Variants in CACNA1B observed in about 807,000 individuals in gnomAD.
The protein encoded by CACNA1B is voltage-dependent N-type calcium channel subunit alpha-1B.
A neutral mutation model predicts 247.2 loss-of-function variants in CACNA1B; 70 were observed. The observed-to-expected ratio is 0.28, with a 90% CI of 0.23 to 0.35. The LOEUF (loss-of-function observed/expected upper bound fraction) is 0.35, where lower values mean the gene tolerates loss of function less well. Ranked by LOEUF, CACNA1B falls within the 10% of genes least tolerant of loss-of-function variation. The pLI is 1.00. For synonymous variants in CACNA1B, 1,231 were observed against 1,294.4 expected, an observed-to-expected ratio of 0.95 and a Z score of 1.05; for missense variants, 2,367 against 3,197.4, an observed-to-expected ratio of 0.74 and a Z score of 6.26.
Position 138,073,645 on chromosome 9 carries a change from C to A in CACNA1B, c.4791+41C>A. On this transcript the variant is annotated intron_variant, in intron 33 of 46. Coordinates refer to ENST00000371372, the MANE Select transcript of CACNA1B (RefSeq NM_000718.4). The surrounding 1 kb of genome is among the most constrained non-coding windows in gnomAD (Gnocchi z 6.4). ...GGCCTCCATGCTTTCTGTCCCCTTC[C>A]TCCGTCTTGCTTCCCCTGCCCCCAC... The A allele has an allele frequency of 2.7e-6, 3 of 1,130,722 alleles. No homozygotes were observed. The highest frequency in any genetic ancestry group is 2.7e-6 in the Non-Finnish European group (2 of 740,288). The allele number at this position is 1,130,722 out of a possible 1,614,324, so 70.0% of individuals were successfully genotyped here.
chr9:137,891,783 T>G lies in CACNA1B; in HGVS notation c.530+8900T>G. 2.9e-6 allele frequency: 1 copy of G among 344,440 alleles called. No homozygotes were observed. Among genetic ancestry groups the G allele is most frequent in the South Asian group, 2.2e-5 (1 of 45,290 alleles). 21.3% of individuals were successfully genotyped at this position (344,440 alleles called of 1,614,324 possible). On this transcript the variant is annotated intron_variant, in intron 3 of 46. Transcript: ENST00000371372. This position sits in a 1 kb window ranked among gnomAD's most constrained non-coding sequence, Gnocchi z 4.3. ...GGGGCCTCCACCCTGCGTGCCTGTGTGCAGCCCCACACGTGCTGAAGCATC... is the reference window on the plus strand; with the variant it reads ...GGGGCCTCCACCCTGCGTGCCTGTGGGCAGCCCCACACGTGCTGAAGCATC...
At chr9:137,964,033 C>T (rs1264157907) in intron 10 of CACNA1B, among the ~76,000 whole-genome samples, 1 of 152,212 alleles carries the variant, frequency 6.6e-6, no homozygotes, top group African/African-American at 2.4e-5. Flanking sequence ...TCTCTTCTAG[C>T]TTGTAGGGTT....
chr9:138,049,736 CCT>C lies in CACNA1B; in HGVS notation c.3710+424_3710+425del, dbSNP rs200160004. ...CAAGTCTGCTCCTGACCCAGGGAGA[CCT>C]CTGGTGCTTTCGCCCAAGGCAGAAC... On this transcript the variant is annotated intron_variant, in intron 24 of 46. Transcript: ENST00000371372. 6.7e-4 allele frequency among the ~76,000 whole-genome samples: 102 copies of C among 152,320 alleles called. No homozygotes were observed. In the East Asian group the frequency reaches 0.016, roughly 24 times the overall value.
rs936189106 is a variant in CACNA1B at position 137,974,106 on chromosome 9, C to T, written c.1544-1801C>T. ...TGTGGCCAGGCGTGTTGGGCCTTTCCAAGCTGCTTGTGTATTCCCCTGGGC... is the reference window on the plus strand; with the variant it reads ...TGTGGCCAGGCGTGTTGGGCCTTTCTAAGCTGCTTGTGTATTCCCCTGGGC... On this transcript the variant is annotated intron_variant, in intron 11 of 46. Coordinates refer to ENST00000371372, the MANE Select transcript of CACNA1B (RefSeq NM_000718.4). This position sits in a 1 kb window ranked among gnomAD's most constrained non-coding sequence, Gnocchi z 4.5. 6.6e-6 allele frequency among the ~76,000 whole-genome samples: 1 copy of T among 152,182 alleles called. No homozygotes were observed. The highest frequency in any genetic ancestry group is 2.4e-5 in the African/African-American group (1 of 41,448).
intron 35 of CACNA1B, among the ~76,000 whole-genome samples, chr9:138,077,834 A>G (rs1035051566): frequency 2.0e-5 from 3 of 152,238 alleles, no homozygotes; most frequent in African/African-American, 4.8e-5. Flanking sequence ...CAGGAGTACA[A>G]CTGGGGCCTG....
intron 31 of CACNA1B, among the ~76,000 whole-genome samples, chr9:138,067,801 A>G (rs1438721555): frequency 6.6e-6 from 1 of 152,212 alleles, no homozygotes; most frequent in Non-Finnish European, 1.5e-5. Flanking sequence ...ATGTGCATAC[A>G]ACTCAGCAAC....
At position 137,955,646 on chromosome 9, in the gene CACNA1B, C is replaced by T; in HGVS notation, c.1071-52C>T. ...TCCTTTTTGTCTCTGGGGCTGCACA[C>T]CTGTGGGGCTTGCACTCACCTGATC... On this transcript the variant is annotated intron_variant, in intron 7 of 46. Transcript: ENST00000371372. This position sits in a 1 kb window ranked among gnomAD's most constrained non-coding sequence, Gnocchi z 6.9. 1 of 1,214,632 alleles carries T rather than the reference C, an allele frequency of 8.2e-7. No homozygotes were observed. The highest frequency in any genetic ancestry group is 2.0e-5 in the Admixed American group (1 of 50,142). The allele number at this position is 1,214,632 out of a possible 1,614,324, so 75.2% of individuals were successfully genotyped here.
intron 6 of CACNA1B, among the ~76,000 whole-genome samples, chr9:137,949,266 T>C (rs1957847667): frequency 2.3e-4 from 2 of 8,640 alleles, no homozygotes; most frequent in Non-Finnish European, 5.4e-4. Context: ...GGTGCGTGTG[T>C]GTGTCTGGTG....
Position 138,073,230 on chromosome 9 carries a change from G to A in CACNA1B, c.4675-258G>A, listed in dbSNP as rs1018986436. On this transcript the variant is annotated intron_variant, in intron 32 of 46. Coordinates refer to ENST00000371372, the MANE Select transcript of CACNA1B (RefSeq NM_000718.4). This position sits in a 1 kb window ranked among gnomAD's most constrained non-coding sequence, Gnocchi z 6.4. ...CTTTCTGTTGCTCACGGTTGGGGGTGGGGAGGGGCCTTAGAGCCAAGGAGG... is the reference window on the plus strand; with the variant it reads ...CTTTCTGTTGCTCACGGTTGGGGGTAGGGAGGGGCCTTAGAGCCAAGGAGG... 6.6e-6 allele frequency among the ~76,000 whole-genome samples: 1 copy of A among 152,234 alleles called. No individual in the cohort carries two copies. The highest frequency in any genetic ancestry group is 2.4e-5 in the African/African-American group (1 of 41,458).
At chr9:137,935,109 T>A (rs1361788981) in intron 6 of CACNA1B, among the ~76,000 whole-genome samples, 1 of 152,206 alleles carries the variant, frequency 6.6e-6, no homozygotes, top group Non-Finnish European at 1.5e-5. Flanking sequence ...AAATTTTCTT[T>A]TTTTTCATTA....
intron 20 of CACNA1B, among the ~76,000 whole-genome samples, chr9:138,038,587 G>A (rs1438891544): frequency 6.6e-6 from 1 of 152,262 alleles, no homozygotes; most frequent in Non-Finnish European, 1.5e-5. Context: ...GTGCAGGAGA[G>A]CCAGCTCTCT....
intron 37 of CACNA1B, among the ~76,000 whole-genome samples, chr9:138,097,479 A>G (rs1961093070): frequency 6.6e-6 from 1 of 152,056 alleles, no homozygotes; most frequent in South Asian, 2.1e-4. Context: ...TTCCTCATTT[A>G]CTTGCTCGCT....
chr9:137,934,617 C>T (rs970255667), intron 6 of CACNA1B, among the ~76,000 whole-genome samples: 10 of 152,204 alleles, frequency 6.6e-5, no homozygotes, highest in African/African-American at 2.4e-4. Context: ...GTATCCACAG[C>T]TGAGAGACCC....
intron 8 of CACNA1B, among the ~76,000 whole-genome samples, 192 bp from the exon 9 acceptor site, chr9:137,956,579 G>A (rs1293763395): frequency 2.6e-5 from 4 of 151,820 alleles, no homozygotes; most frequent in Admixed American, 2.0e-4. Flanking sequence ...GCTTGAACCC[G>A]GAAGGTGGAG....
At chr9:137,945,392 G>A (rs556629218) in intron 6 of CACNA1B, among the ~76,000 whole-genome samples, 1 of 152,322 alleles carries the variant, frequency 6.6e-6, no homozygotes, top group East Asian at 1.9e-4. Flanking sequence ...CTTGTCTGCG[G>A]TTCCCAAGGG....
chr9:138,057,464 G>A lies in CACNA1B; in HGVS notation c.3969-268G>A, dbSNP rs1959553359. On this transcript the variant is annotated intron_variant, in intron 26 of 46. Transcript: ENST00000371372. This position sits in a 1 kb window ranked among gnomAD's most constrained non-coding sequence, Gnocchi z 4.0. ...TCTAAGGCTCCATTCCCAGATTCGA[G>A]GTCACGAAGTTTTGCCCCCGTTTTC... 6.6e-6 allele frequency among the ~76,000 whole-genome samples: 1 copy of A among 152,076 alleles called. No individual in the cohort carries two copies. The highest frequency in any genetic ancestry group is 2.4e-5 in the African/African-American group (1 of 41,392).
chr9:138,109,861 A>G (rs928649128), intron 39 of CACNA1B, among the ~76,000 whole-genome samples: 1 of 152,142 alleles, frequency 6.6e-6, no homozygotes, highest in Admixed American at 6.5e-5. Flanking sequence ...ACCTGAGGTC[A>G]TGAGTTTGAG....
intron 3 of CACNA1B, among the ~76,000 whole-genome samples, chr9:137,900,961 C>G: frequency 7.2e-6 from 1 of 139,024 alleles, no homozygotes; most frequent in East Asian, 2.3e-4. Context: ...GTCTGTGTGT[C>G]TGTGCTGTGT....
Position 137,882,689 on chromosome 9 carries a change from C to T in CACNA1B, c.391-55C>T. 6.2e-7 allele frequency: 1 copy of T among 1,605,828 alleles called. No homozygotes were observed. Among genetic ancestry groups the T allele is most frequent in the African/African-American group, 1.3e-5 (1 of 74,900 alleles). ...TGGGGTCCTCACCAACCGTCTCTGC[C>T]CGCTACTACACCGGGTAGGGGCCAG... is the stretch of plus-strand genomic sequence containing the variant. On this transcript the variant is annotated intron_variant, in intron 2 of 46. Transcript: ENST00000371372. This position sits in a 1 kb window ranked among gnomAD's most constrained non-coding sequence, Gnocchi z 4.0.
Sources: allele counts gnomAD v4.1 joint callset (sites outside exome capture counted in the v4.1 genomes callset), GRCh38; gene constraint gnomAD v4.1.1; non-coding constraint Gnocchi (gnomAD v3.1); transcripts MANE v1.5; gene names NCBI Gene and HGNC (gene_info 2026-07-23, HGNC 2026-07-21).